The following GALNT13 variants were observed in gnomAD, a reference collection of about 807,000 sequenced individuals.
The protein encoded by GALNT13 is UDP-GalNAc:polypeptide N-acetylgalactosaminyltransferase 13.
GALNT13 carries 28 observed loss-of-function variants against 64.2 expected under a neutral mutation model. That is an observed-to-expected ratio of 0.44 (90% CI 0.32 to 0.60). The LOEUF (loss-of-function observed/expected upper bound fraction) is 0.60, where lower values mean the gene tolerates loss of function less well. Ranked by LOEUF, GALNT13 falls within the 20% of genes least tolerant of loss-of-function variation. The pLI is 0.05. For synonymous variants in GALNT13, 214 were observed against 224.6 expected (o/e 0.95, Z 0.42); for missense variants, 577 against 669.8 (o/e 0.86, Z 1.53).
At chr2:153,363,873 C>G in the GALNT13 span, among the ~76,000 whole-genome samples, 5 of 152,172 alleles carry the variant, frequency 3.3e-5, no homozygotes, top group Admixed American at 1.3e-4. Context: ...AGGGACTCCT[C>G]CCTAACTCAT....
At chr2:154,000,766 G>C (rs1459604875) in intron 3 of GALNT13, among the ~76,000 whole-genome samples, 2 of 151,964 alleles carry the variant, frequency 1.3e-5, no homozygotes, top group Non-Finnish European at 2.9e-5. Flanking sequence ...ATGTTTTATA[G>C]CTGATGGATT....
chr2:153,785,250 C>T, the GALNT13 span, among the ~76,000 whole-genome samples: 4 of 152,258 alleles, frequency 2.6e-5, no homozygotes, highest in African/African-American at 7.2e-5. Flanking sequence ...CTTTTTTATG[C>T]GAGTCCCTAA....
the GALNT13 span, among the ~76,000 whole-genome samples, chr2:153,541,933 C>T: frequency 6.6e-6 from 1 of 152,140 alleles, no homozygotes; most frequent in African/African-American, 2.4e-5. Context: ...ATCCATCTGC[C>T]TCTAGTCAGT....
chr2:153,252,133 T>C, the GALNT13 span, among the ~76,000 whole-genome samples: 1 of 147,690 alleles, frequency 6.8e-6, no homozygotes, highest in Non-Finnish European at 1.5e-5. Flanking sequence ...CCAGCACCTG[T>C]TGTTTCCTGA....
the GALNT13 span, among the ~76,000 whole-genome samples, chr2:153,624,792 CTTTTTTTT>C: frequency 3.4e-3 from 411 of 121,218 alleles, 1 homozygote; most frequent in African/African-American, 0.012. Flanking sequence ...GGAAGAGAGA[CTTTTTTTT>C]TTTTTTTTTT....
At chr2:153,386,404 G>A in the GALNT13 span, among the ~76,000 whole-genome samples, 9 of 151,884 alleles carry the variant, frequency 5.9e-5, no homozygotes, top group African/African-American at 2.2e-4. Context: ...CATACAGTTG[G>A]GTAAAATGAG....
At chr2:153,370,387 C>T in the GALNT13 span, among the ~76,000 whole-genome samples, 1 of 152,000 alleles carries the variant, frequency 6.6e-6, no homozygotes, top group African/African-American at 2.4e-5. Context: ...AAACCGGTGT[C>T]CCTCATGAAC....
chr2:153,497,795 C>T, the GALNT13 span, among the ~76,000 whole-genome samples: 211 of 152,244 alleles, frequency 1.4e-3, 1 homozygote, highest in East Asian at 0.012. Flanking sequence ...GCCTCGGCCT[C>T]CCAAAGTGCT....
At chr2:154,382,217 G>C (rs192116938) in intron 9 of GALNT13, among the ~76,000 whole-genome samples, 1 of 152,136 alleles carries the variant, frequency 6.6e-6, no homozygotes, top group African/African-American at 2.4e-5. Flanking sequence ...CTAGACCAAT[G>C]ATATCTTGAA....
the GALNT13 span, among the ~76,000 whole-genome samples, chr2:153,765,853 A>G: frequency 6.6e-6 from 1 of 152,076 alleles, no homozygotes; most frequent in East Asian, 1.9e-4. Context: ...GTCTCATGAG[A>G]GCTGATGGTT....
At chr2:153,091,941 C>T in the GALNT13 span, among the ~76,000 whole-genome samples, 1 of 152,000 alleles carries the variant, frequency 6.6e-6, no homozygotes, top group South Asian at 2.1e-4. Context: ...GGAGATTTTT[C>T]CCAATGTTTT....
At chr2:154,333,791 T>C (rs6761176) in intron 9 of GALNT13, among the ~76,000 whole-genome samples, 7 of 148,612 alleles carry the variant, frequency 4.7e-5, no homozygotes, top group Admixed American at 2.7e-4. Context: ...ATTAAAATGA[T>C]GACTATTTCT....
At chr2:153,189,213 G>A in the GALNT13 span, among the ~76,000 whole-genome samples, 9 of 151,636 alleles carry the variant, frequency 5.9e-5, no homozygotes, top group African/African-American at 1.9e-4. Context: ...CTTATTCCCC[G>A]TCCCATTCCC....
At chr2:153,417,696 G>A in the GALNT13 span, among the ~76,000 whole-genome samples, 18 of 152,128 alleles carry the variant, frequency 1.2e-4, no homozygotes, top group Admixed American at 5.2e-4. Context: ...TAAGCTTTTC[G>A]GATACAAGAC....
chr2:154,300,854 C>A (rs1469680320), intron 8 of GALNT13, among the ~76,000 whole-genome samples: 1 of 152,118 alleles, frequency 6.6e-6, no homozygotes, highest in African/African-American at 2.4e-5. Context: ...AATCTCCCCC[C>A]AGAGCTTTCT....
At chr2:153,174,880 G>C in the GALNT13 span, among the ~76,000 whole-genome samples, 2 of 151,342 alleles carry the variant, frequency 1.3e-5, no homozygotes, top group Non-Finnish European at 3.0e-5. Flanking sequence ...AATTCTTCCA[G>C]CCTTCACCCA....
chr2:153,183,664 T>C, the GALNT13 span, among the ~76,000 whole-genome samples: 1 of 152,180 alleles, frequency 6.6e-6, no homozygotes, highest in Non-Finnish European at 1.5e-5. Flanking sequence ...AAGAAAGTGG[T>C]CCAGTTTCAG....
chr2:153,969,838 A>G (rs1693623539), intron 3 of GALNT13, among the ~76,000 whole-genome samples: 1 of 151,980 alleles, frequency 6.6e-6, no homozygotes, highest in African/African-American at 2.4e-5. Flanking sequence ...TTATTTCATT[A>G]TTATTTTACT....
At chr2:153,667,358 A>C in the GALNT13 span, among the ~76,000 whole-genome samples, 1 of 152,170 alleles carries the variant, frequency 6.6e-6, no homozygotes, top group East Asian at 1.9e-4. Context: ...TCAACATGAA[A>C]GTAAAGGCAG....
Sources: gnomAD v4.1 joint callset for allele counts (sites outside exome capture counted in the v4.1 genomes callset) on GRCh38, gnomAD v4.1.1 for gene constraint, MANE v1.5 for transcripts, NCBI Gene and HGNC (gene_info 2026-07-23, HGNC 2026-07-21) for gene names.